AGAP1: variants seen among roughly 807,000 people sequenced by gnomAD.
AGAP1 encodes ArfGAP with GTPase domain, ankyrin repeat and PH domain 1.
Under a neutral mutation model 105.3 loss-of-function variants are expected in AGAP1, and 29 were observed. That is an observed-to-expected ratio of 0.28 (90% CI 0.21 to 0.38). The LOEUF (loss-of-function observed/expected upper bound fraction) is 0.38, where lower values mean the gene tolerates loss of function less well. Ranked by LOEUF, AGAP1 falls within the 10% of genes least tolerant of loss-of-function variation. AGAP1 has a pLI of 1.00. For missense variants in AGAP1, 998 were observed against 1,165.1 expected (o/e 0.86, Z 2.09); for synonymous variants, 509 against 485.9 (o/e 1.05, Z -0.63).
chr2:235,517,012 C>T lies in AGAP1; in HGVS notation c.163+22163C>T, dbSNP rs1032221492. Among the ~76,000 whole-genome samples, 9 of 152,178 alleles carry T rather than the reference C, an allele frequency of 5.9e-5. No individual in the cohort carries two copies. Among genetic ancestry groups the T allele is most frequent in the African/African-American group, 7.2e-5 (3 of 41,464 alleles). Reference sequence around the variant, plus strand: ...GCCACGTGGCTCTGGAGGGGCTTGGCGCCTACGTTAGTCAGCTCGGGCTGC... The same window carrying T: ...GCCACGTGGCTCTGGAGGGGCTTGGTGCCTACGTTAGTCAGCTCGGGCTGC... On this transcript the variant is annotated intron_variant, in intron 1 of 17. Coordinates refer to ENST00000304032, the MANE Select transcript of AGAP1 (RefSeq NM_001037131.3). This position sits in a 1 kb window ranked among gnomAD's most constrained non-coding sequence, Gnocchi z 4.1.
At chr2:235,779,814 A>C (rs545602969) in intron 6 of AGAP1, among the ~76,000 whole-genome samples, 43 of 152,348 alleles carry the variant, frequency 2.8e-4, no homozygotes, top group African/African-American at 9.6e-4. Context: ...CTGGAAGCTC[A>C]TGGCTGAAGC....
intron 1 of AGAP1, among the ~76,000 whole-genome samples, chr2:235,536,627 T>TCGCA (rs1491469457): frequency 5.5e-5 from 6 of 108,314 alleles, no homozygotes; most frequent in African/African-American, 1.5e-4. Flanking sequence ...GTCGCATCCT[T>TCGCA]CACACACACA....
Position 235,959,176 on chromosome 2 carries a change from C to T in AGAP1, c.1484-9286C>T, listed in dbSNP as rs557025285. 6.6e-6 allele frequency among the ~76,000 whole-genome samples: 1 copy of T among 152,288 alleles called. No individual in the cohort carries two copies. Among genetic ancestry groups the T allele is most frequent in the African/African-American group, 2.4e-5 (1 of 41,564 alleles). On this transcript the variant is annotated intron_variant, in intron 12 of 17. Transcript: ENST00000304032. This position sits in a 1 kb window ranked among gnomAD's most constrained non-coding sequence, Gnocchi z 7.3. ...CATACTTAACGCCGTCGACAGTAGTCGTCTGTCCCGGTGCCCGGTAATTGA... is the reference window on the plus strand; with the variant it reads ...CATACTTAACGCCGTCGACAGTAGTTGTCTGTCCCGGTGCCCGGTAATTGA...
intron 13 of AGAP1, among the ~76,000 whole-genome samples, chr2:235,998,143 A>C (rs1317060956): frequency 6.6e-6 from 1 of 152,212 alleles, no homozygotes; most frequent in African/African-American, 2.4e-5. Flanking sequence ...ATTTCATAGA[A>C]GAAGACTGCA....
At chr2:236,043,627 T>A (rs187026440) in intron 15 of AGAP1, among the ~76,000 whole-genome samples, 6 of 150,684 alleles carry the variant, frequency 4.0e-5, no homozygotes, top group Non-Finnish European at 8.9e-5. Flanking sequence ...CTTGGGAGGC[T>A]GAGGCAGGAC....
At chr2:235,501,129 G>T (rs1476227002) in intron 1 of AGAP1, among the ~76,000 whole-genome samples, 1 of 152,172 alleles carries the variant, frequency 6.6e-6, no homozygotes, top group Non-Finnish European at 1.5e-5. Context: ...CATACATTCA[G>T]GTGCACCTGC....
intron 16 of AGAP1, among the ~76,000 whole-genome samples, chr2:236,100,115 G>A (rs1289522220): frequency 6.6e-6 from 1 of 151,974 alleles, no homozygotes; most frequent in East Asian, 1.9e-4. Flanking sequence ...CTGGGCCTTT[G>A]CAACCGTAGA....
intron 1 of AGAP1, among the ~76,000 whole-genome samples, chr2:235,499,692 C>T (rs1393253380): frequency 1.3e-5 from 2 of 152,192 alleles, no homozygotes; most frequent in African/African-American, 4.8e-5. Flanking sequence ...GAGGCTCGGT[C>T]TCTGTTGGTG....
Position 235,689,442 on chromosome 2 carries a change from A to G in AGAP1, c.164-19737A>G, listed in dbSNP as rs974085403. Reference sequence around the variant, plus strand: ...TTATGTTTCCATTACACCATAGAACATAACAATTTTGACTGCAGAGAGGCA... The same window carrying G: ...TTATGTTTCCATTACACCATAGAACGTAACAATTTTGACTGCAGAGAGGCA... On this transcript the variant is annotated intron_variant, in intron 1 of 17. Coordinates refer to ENST00000304032, the MANE Select transcript of AGAP1 (RefSeq NM_001037131.3). This position sits in a 1 kb window ranked among gnomAD's most constrained non-coding sequence, Gnocchi z 4.2. 1.3e-5 allele frequency among the ~76,000 whole-genome samples: 2 copies of G among 152,254 alleles called. No individual in the cohort carries two copies. The highest frequency in any genetic ancestry group is 2.4e-5 in the African/African-American group (1 of 41,468).
intron 6 of AGAP1, chr2:235,774,435 T>C (rs1273142082): frequency 2.1e-6 from 1 of 466,324 alleles, no homozygotes; most frequent in Non-Finnish European, 4.4e-6. Flanking sequence ...CGGCAGGCAG[T>C]CACTTTTCCC....
chr2:236,015,068 A>G (rs1055337434), intron 13 of AGAP1, among the ~76,000 whole-genome samples: 1 of 152,022 alleles, frequency 6.6e-6, no homozygotes, highest in Non-Finnish European at 1.5e-5. Context: ...TTATTTTACC[A>G]TTCGTGTTCC....
intron 3 of AGAP1, among the ~76,000 whole-genome samples, chr2:235,735,836 A>C (rs1952215211): frequency 6.6e-6 from 1 of 152,116 alleles, no homozygotes; most frequent in Non-Finnish European, 1.5e-5. Context: ...GTGAACCAGA[A>C]ACCTAATACA....
intron 9 of AGAP1, among the ~76,000 whole-genome samples, chr2:235,829,036 T>C (rs1489814311): frequency 2.6e-5 from 4 of 152,222 alleles, no homozygotes; most frequent in African/African-American, 9.7e-5. Context: ...GTCTCTCTTT[T>C]ATTCCTGTTG....
Position 235,566,976 on chromosome 2 carries a change from G to T in AGAP1, c.163+72127G>T, listed in dbSNP as rs1209283857. On this transcript the variant is annotated intron_variant, in intron 1 of 17. Transcript: ENST00000304032. The surrounding 1 kb of genome is among the most constrained non-coding windows in gnomAD (Gnocchi z 5.2). ...GCAATCCTTGGTGTCCCATCCAGCT[G>T]CATCACTCCAGTCTCTGCTTCTGTT... 6.6e-6 allele frequency among the ~76,000 whole-genome samples: 1 copy of T among 152,200 alleles called. No individual in the cohort carries two copies. The highest frequency in any genetic ancestry group is 6.5e-5 in the Admixed American group (1 of 15,288).
rs1427212029 is a variant in AGAP1, at chr2:235,793,664, A to T, written c.674-4095A>T. ...AGCCTTTGAGCAGCAAAAAGGAGGAAGGGGGAGGAGGAGGAGCTGTCCTCT... is the reference window on the plus strand; with the variant it reads ...AGCCTTTGAGCAGCAAAAAGGAGGATGGGGGAGGAGGAGGAGCTGTCCTCT... On this transcript the variant is annotated intron_variant, in intron 6 of 17. Coordinates refer to ENST00000304032, the MANE Select transcript of AGAP1 (RefSeq NM_001037131.3). This position sits in a 1 kb window ranked among gnomAD's most constrained non-coding sequence, Gnocchi z 5.3. Among the ~76,000 whole-genome samples the T allele has an allele frequency of 6.6e-6, 1 of 152,096 alleles. No homozygotes were observed. The highest frequency in any genetic ancestry group is 1.9e-4 in the East Asian group (1 of 5,166).
chr2:235,895,529 C>T (rs1470585131), intron 10 of AGAP1, among the ~76,000 whole-genome samples: 2 of 152,210 alleles, frequency 1.3e-5, no homozygotes, highest in African/African-American at 2.4e-5. Flanking sequence ...TTAAATGCTA[C>T]TTCCTCTTGG....
Position 235,651,571 on chromosome 2 carries a change from A to G in AGAP1, c.164-57608A>G, listed in dbSNP as rs181954371. Among the ~76,000 whole-genome samples the G allele has an allele frequency of 7.3e-3, 1,107 of 152,324 alleles. 5 individuals are homozygous for G. The highest frequency in any genetic ancestry group is 0.011 in the Non-Finnish European group (743 of 68,038). On this transcript the variant is annotated intron_variant, in intron 1 of 17. Transcript: ENST00000304032. ...GAACAAATCAGCAAAGACTAAAAAC[A>G]GTGATGTCGACGACGTAGACAGATT...
chr2:235,654,167 G>A (rs561530882), intron 1 of AGAP1, among the ~76,000 whole-genome samples: 3 of 152,302 alleles, frequency 2.0e-5, no homozygotes, highest in South Asian at 2.1e-4. Flanking sequence ...AGGTTCATTC[G>A]TTGCTTATTT....
At chr2:235,667,554 C>T (rs1948166440) in intron 1 of AGAP1, among the ~76,000 whole-genome samples, 1 of 152,138 alleles carries the variant, frequency 6.6e-6, no homozygotes, top group Non-Finnish European at 1.5e-5. Context: ...TGTCTCCGAG[C>T]CTCTGCATCT....
Sources: gnomAD v4.1 joint callset for allele counts (sites outside exome capture counted in the v4.1 genomes callset) on GRCh38, gnomAD v4.1.1 for gene constraint, Gnocchi (gnomAD v3.1) non-coding constraint, MANE v1.5 for transcripts, NCBI Gene and HGNC (gene_info 2026-07-23, HGNC 2026-07-21) for gene names.